The following TVP23A variants were observed in gnomAD, a reference collection of about 807,000 sequenced individuals.
TVP23A encodes trans-golgi network vesicle protein 23 homolog A.
In TVP23A, 21 loss-of-function variants were observed where a neutral mutation model predicts 31.7. That is an observed-to-expected ratio of 0.66 (90% CI 0.47 to 0.95). The LOEUF (loss-of-function observed/expected upper bound fraction) is 0.95, where lower values mean the gene tolerates loss of function less well. Ranked by LOEUF, TVP23A falls within the 40% of genes least tolerant of loss-of-function variation. The pLI is 0.00. For synonymous variants in TVP23A, 104 were observed against 96.0 expected (o/e 1.08, Z -0.49); for missense variants, 279 against 255.6 (o/e 1.09, Z -0.62).
intron 2 of TVP23A, among the ~76,000 whole-genome samples, chr16:10,787,549 G>T (rs183682219): frequency 6.6e-6 from 1 of 152,042 alleles, no homozygotes; most frequent in East Asian, 1.9e-4. Context: ...GATTAGGGTT[G>T]GGGGGGCAGC....
chr16:10,809,808 T>G (rs1387281188), intron 2 of TVP23A, among the ~76,000 whole-genome samples: 2 of 152,046 alleles, frequency 1.3e-5, no homozygotes, highest in Non-Finnish European at 2.9e-5. Context: ...CCCACAACAC[T>G]CACTCACAGC....
chr16:10,776,895 G>C (rs184676403), intron 2 of TVP23A, among the ~76,000 whole-genome samples: 1 of 152,242 alleles, frequency 6.6e-6, no homozygotes, highest in Non-Finnish European at 1.5e-5. Flanking sequence ...GTGTAGCAGT[G>C]GGGACGACCA....
At chr16:10,786,679 G>C (rs2032771436) in intron 2 of TVP23A, among the ~76,000 whole-genome samples, 1 of 150,754 alleles carries the variant, frequency 6.6e-6, no homozygotes, top group East Asian at 1.9e-4. Flanking sequence ...GGGATGGGAG[G>C]GGGTGAAGAT....
intron 7 of TVP23A, 97 bp downstream of exon 7, chr16:10,770,175 G>A: frequency 2.7e-6 from 4 of 1,472,686 alleles, no homozygotes; most frequent in Non-Finnish European, 3.7e-6. Context: ...CAGGGAACAG[G>A]GGAAGCCCAC....
rs1464852088 is a variant in TVP23A at position 10,769,050 on chromosome 16, T to G, written c.*52A>C. On this transcript the variant is annotated 3_prime_UTR_variant, in exon 8 of 8. Coordinates refer to ENST00000299866, the MANE Select transcript of TVP23A (RefSeq NM_001079512.4). The stretch of plus-strand genomic sequence containing the variant: ...TGCCTGTCGTCTTGTTTTCCAGGAA[T>G]CCAAGAGTTTTGTAATCTCCATCAG... 1.2e-6 allele frequency: 2 copies of G among 1,613,838 alleles called. No individual in the cohort carries two copies. Among genetic ancestry groups the G allele is most frequent in the African/African-American group, 2.7e-5 (2 of 74,888 alleles).
downstream of TVP23A, among the ~76,000 whole-genome samples, chr16:10,757,453 T>C (rs1900634013): frequency 6.6e-6 from 1 of 152,176 alleles, no homozygotes. The surrounding 1 kb of genome is among the most constrained non-coding windows in gnomAD (Gnocchi z 4.1). Flanking sequence ...GCACTATTGA[T>C]ATTTTGAGCC....
chr16:10,771,525 A>C, intron 6 of TVP23A, 145 bp downstream of exon 6: 1 of 1,087,086 alleles, frequency 9.2e-7, no homozygotes. Context: ...ACAGAGCGAG[A>C]TCCTGTCTCC....
chr16:10,769,966 CT>C (rs982009203), intron 7 of TVP23A, among the ~76,000 whole-genome samples: 1 of 152,186 alleles, frequency 6.6e-6, no homozygotes, highest in African/African-American at 2.4e-5. Context: ...TCCCCTTGTT[CT>C]TTCCCTCCCT....
At position 10,796,728 on chromosome 16, in the gene TVP23A, G is replaced by A. The variant is rs1463326342; in HGVS notation, c.89+21375C>T. Reference sequence around the variant, plus strand: ...GCTGGGATTACAGGCGTGAGCCACCGCGCCCGGCCCATAAAAGGGATTTTA... The same window carrying A: ...GCTGGGATTACAGGCGTGAGCCACCACGCCCGGCCCATAAAAGGGATTTTA... On this transcript the variant is annotated intron_variant, in intron 2 of 7. Transcript: ENST00000299866. Among the ~76,000 whole-genome samples the A allele has an allele frequency of 5.3e-5, 8 of 152,186 alleles. No homozygotes were observed. The South Asian group carries it at 8.3e-4, about 16-fold the overall frequency.
In TVP23A at chr16:10,771,841, CAG is replaced by C. The variant is rs1309708945; in HGVS notation, c.454-45_454-44del. 3.9e-6 allele frequency: 6 copies of C among 1,545,338 alleles called. No individual in the cohort carries two copies. In the African/African-American group the frequency reaches 5.5e-5, roughly 14 times the overall value. On this transcript the variant is annotated intron_variant, in intron 5 of 7. Coordinates refer to ENST00000299866, the MANE Select transcript of TVP23A (RefSeq NM_001079512.4). ...AAGCAAAGGTCACTTTTTTTTGAGA[CAG>C]AGTTTCGCTCTGTCGCCCAGGCTGG...
At chr16:10,775,420 C>T (rs540916031) in intron 2 of TVP23A, 476 of 1,115,922 alleles carry the variant, frequency 4.3e-4, no homozygotes, top group South Asian at 1.3e-3. Flanking sequence ...ACTGCCTTCC[C>T]GCCTAGCAGA....
downstream of TVP23A, chr16:10,757,725 G>T: frequency 1.1e-6 from 1 of 873,674 alleles, no homozygotes; most frequent in Non-Finnish European, 1.8e-6. The surrounding 1 kb of genome is among the most constrained non-coding windows in gnomAD (Gnocchi z 4.1). Flanking sequence ...TTACTTGGGA[G>T]GCTGAGGTGG....
chr16:10,800,846 C>T (rs2033661479), intron 2 of TVP23A, among the ~76,000 whole-genome samples: 1 of 151,920 alleles, frequency 6.6e-6, no homozygotes, highest in Non-Finnish European at 1.5e-5. Context: ...AAAAACTTAG[C>T]CAGGCATGGT....
chr16:10,766,484 T>C (rs570414220), downstream of TVP23A, among the ~76,000 whole-genome samples: 520 of 152,138 alleles, frequency 3.4e-3, 1 homozygote, highest in Non-Finnish European at 5.8e-3. The surrounding 1 kb of genome is among the most constrained non-coding windows in gnomAD (Gnocchi z 4.8). Context: ...GAGACCTGGG[T>C]GAAAGTCAGG....
At chr16:10,784,336 A>G (rs2032608694) in intron 2 of TVP23A, among the ~76,000 whole-genome samples, 1 of 152,012 alleles carries the variant, frequency 6.6e-6, no homozygotes, top group African/African-American at 2.4e-5. Context: ...CTCAAAAAAA[A>G]GAAAAAATAT....
At chr16:10,806,775 T>C (rs1280034560) in intron 2 of TVP23A, among the ~76,000 whole-genome samples, 1 of 152,202 alleles carries the variant, frequency 6.6e-6, no homozygotes, top group Non-Finnish European at 1.5e-5. Flanking sequence ...GTGCATGGAT[T>C]ACAGACATGA....
intron 2 of TVP23A, among the ~76,000 whole-genome samples, chr16:10,781,091 G>A (rs923053732): frequency 2.0e-5 from 3 of 152,094 alleles, no homozygotes; most frequent in South Asian, 2.1e-4. Flanking sequence ...CACTTTGGGA[G>A]GCAGAGGTGG....
chr16:10,765,930 G>A (rs1384172426), downstream of TVP23A: 1 of 152,336 alleles, frequency 6.6e-6, no homozygotes, highest in African/African-American at 2.4e-5. This position sits in a 1 kb window ranked among gnomAD's most constrained non-coding sequence, Gnocchi z 4.0. Flanking sequence ...GTGCCAGAAA[G>A]GAAGGGGTGG....
chr16:10,811,021 T>C lies in TVP23A; in HGVS notation c.89+7082A>G, dbSNP rs535028408. Among the ~76,000 whole-genome samples the C allele has an allele frequency of 1.6e-4, 24 of 152,272 alleles. 1 individual carries two copies. In the East Asian group the frequency reaches 4.6e-3, roughly 29 times the overall value. ...AGATCCATGACTAACCCAGATTTCA[T>C]TTACATGAAATGTCCGGAACAGGCA... is the stretch of plus-strand genomic sequence containing the variant. On this transcript the variant is annotated intron_variant, in intron 2 of 7. Transcript: ENST00000299866.
Sources: gnomAD v4.1 joint callset for allele counts (sites outside exome capture counted in the v4.1 genomes callset) on GRCh38, gnomAD v4.1.1 for gene constraint, Gnocchi (gnomAD v3.1) non-coding constraint, MANE v1.5 for transcripts, NCBI Gene and HGNC (gene_info 2026-07-23, HGNC 2026-07-21) for gene names.